Variants in NUP98 observed in about 807,000 individuals in gnomAD.
The protein encoded by NUP98 is nuclear pore complex protein Nup98-Nup96.
Under a neutral mutation model 191.9 loss-of-function variants are expected in NUP98, and 26 were observed. The observed-to-expected ratio is 0.14, with a 90% CI of 0.10 to 0.19. The LOEUF (loss-of-function observed/expected upper bound fraction) is 0.19. Among genes scored for constraint, NUP98 ranks in the 10% least tolerant of loss-of-function variants. The pLI is 1.00. For missense variants in NUP98, 1,941 were observed against 2,178.8 expected, an observed-to-expected ratio of 0.89 and a Z score of 2.17; for synonymous variants, 808 against 778.4, an observed-to-expected ratio of 1.04 and a Z score of -0.63.
chr11:3,720,984 G>GTGTGTGTGTGTGTGTA (rs1435134058), intron 16 of NUP98, 159 bp from the exon 17 acceptor site: 1 of 476,170 alleles, frequency 2.1e-6, no homozygotes, highest in Non-Finnish European at 3.7e-6. Flanking sequence ...GAGTGTGTGT[G>GTGTGTGTGTGTGTGTA]TGTGTGTGTG....
At position 3,692,980 on chromosome 11, in the gene NUP98, T is replaced by C. The variant is rs188156066; in HGVS notation, c.4311+252A>G. The stretch of plus-strand genomic sequence containing the variant: ...TGAGGTCAGGCTGTATAACAGGGAA[T>C]TCCCAAAGAAGTAAGACAGCATTAG... On this transcript the variant is annotated intron_variant, in intron 27 of 32. Transcript: ENST00000324932. 13 of 376,938 alleles carry C rather than the reference T, an allele frequency of 3.4e-5. No individual in the cohort carries two copies. The East Asian group carries it at 5.2e-4, about 15-fold the overall frequency. The allele number at this position is 376,938 out of a possible 1,614,324, so 23.3% of individuals were successfully genotyped here.
intron 10 of NUP98, 92 bp from the exon 11 acceptor site, chr11:3,753,500 A>T (rs1322071510): frequency 4.3e-6 from 4 of 938,914 alleles, no homozygotes; most frequent in Middle Eastern, 2.2e-4. Flanking sequence ...TCTGACTTTA[A>T]GTTGTGAACC....
chr11:3,699,063 G>A lies in NUP98; in HGVS notation c.4009+19C>T, dbSNP rs1291476878. On this transcript the variant is annotated intron_variant, in intron 25 of 32. Transcript: ENST00000324932. The stretch of plus-strand genomic sequence containing the variant: ...GGAAGGCGACAGAGGCGCAGAGAAG[G>A]ACCATATGCCTTCCCCACCTGACTG... The A allele has an allele frequency of 2.5e-6, 4 of 1,610,982 alleles. No individual in the cohort carries two copies. The South Asian group carries it at 3.3e-5, about 13-fold the overall frequency.
In NUP98 at chr11:3,702,802, G is replaced by T. The variant is rs779389096; in HGVS notation, c.3173C>A (p.Ser1058Tyr). Reference protein sequence around the residue: ...VQECRTPRAASLMNIPSTSSW... With the variant: ...VQECRTPRAAYLMNIPSTSSW... ...GGATGTGGATGGGATATTCATTAAAGATGCTGCTCTGGGAGTACGACATTC... is the reference window on the plus strand; with the variant it reads ...GGATGTGGATGGGATATTCATTAAATATGCTGCTCTGGGAGTACGACATTC... Residue 1058 changes from serine to tyrosine, a missense_variant, in exon 23 of 33, where the codon TCT becomes TAT. Physicochemically the swap from Ser to Tyr is moderately radical, Grantham distance 144. Transcript: ENST00000324932. The T allele has an allele frequency of 1.2e-5, 20 of 1,614,056 alleles. No homozygotes were observed. Among genetic ancestry groups the T allele is most frequent in the African/African-American group, 1.3e-5 (1 of 74,918 alleles).
intron 28 of NUP98, among the ~76,000 whole-genome samples, chr11:3,690,815 T>C (rs753658804): frequency 6.6e-6 from 1 of 152,058 alleles, no homozygotes; most frequent in Admixed American, 6.6e-5. Flanking sequence ...AACAAATGAA[T>C]AGATACATAA....
intron 8 of NUP98, among the ~76,000 whole-genome samples, chr11:3,767,345 T>G (rs189238054): frequency 6.6e-6 from 1 of 152,042 alleles, no homozygotes; most frequent in African/African-American, 2.4e-5. Flanking sequence ...TTATTTTTTT[T>G]GGGATGAAGT....
chr11:3,724,614 G>T (rs541701943), intron 15 of NUP98, among the ~76,000 whole-genome samples: 1 of 151,584 alleles, frequency 6.6e-6, no homozygotes, highest in Admixed American at 6.6e-5. Context: ...CTAACAAGGT[G>T]AAACGCCGTC....
intron 1 of NUP98, among the ~76,000 whole-genome samples, chr11:3,795,371 AGGAGG>A (rs2082492866): frequency 1.3e-5 from 2 of 152,214 alleles, no homozygotes; most frequent in South Asian, 4.1e-4. Context: ...GCTTGAGCCC[AGGAGG>A]TAGAGGCTAC....
chr11:3,796,753 A>G (rs989581487), intron 1 of NUP98, among the ~76,000 whole-genome samples: 1 of 152,212 alleles, frequency 6.6e-6, no homozygotes, highest in South Asian at 2.1e-4. Flanking sequence ...CGGTTTCCCC[A>G]TCTACAAAAC....
At chr11:3,780,557 A>G (rs549056545) in intron 2 of NUP98, among the ~76,000 whole-genome samples, 2,202 of 140,202 alleles carry the variant, frequency 0.016, 64 homozygotes, top group African/African-American at 0.06. Flanking sequence ...AAAAAAAAAA[A>G]AAAAAGAAAA....
At chr11:3,685,559 A>G (rs1271747931) in intron 29 of NUP98, among the ~76,000 whole-genome samples, 1 of 150,574 alleles carries the variant, frequency 6.6e-6, no homozygotes, top group Non-Finnish European at 1.5e-5. Context: ...CTGAAATTAA[A>G]TGACTAGTTT....
At chr11:3,698,371 T>C (rs979207009) in intron 25 of NUP98, among the ~76,000 whole-genome samples, 1 of 152,200 alleles carries the variant, frequency 6.6e-6, no homozygotes. Context: ...TTATTACAAA[T>C]GTAATATAAA....
At chr11:3,762,818 G>T in intron 9 of NUP98, 84 bp downstream of exon 9, 1 of 1,468,304 alleles carries the variant, frequency 6.8e-7, no homozygotes, top group Non-Finnish European at 9.3e-7. Context: ...AAAAATACCT[G>T]CAAAACAGTC....
chr11:3,774,575 ATTAGC>A (rs1431198783), intron 5 of NUP98, among the ~76,000 whole-genome samples: 1 of 151,934 alleles, frequency 6.6e-6, no homozygotes, highest in Non-Finnish European at 1.5e-5. Flanking sequence ...AAATACAAAA[ATTAGC>A]TTGGGTGGGT....
At chr11:3,710,123 T>C (rs1186662980) in intron 20 of NUP98, among the ~76,000 whole-genome samples, 5 of 152,072 alleles carry the variant, frequency 3.3e-5, no homozygotes, top group African/African-American at 1.2e-4. Flanking sequence ...GGAGAAGCAT[T>C]AAAATATAAA....
chr11:3,702,165 G>A (rs940475831), intron 23 of NUP98, among the ~76,000 whole-genome samples: 1 of 151,888 alleles, frequency 6.6e-6, no homozygotes, highest in Non-Finnish European at 1.5e-5. Flanking sequence ...CTCAGACTGA[G>A]AGGCAGAGGT....
At position 3,702,855 on chromosome 11, in the gene NUP98, A is replaced by G; in HGVS notation, c.3120T>C (p.Ala1040=). Residue 1040 remains alanine, a synonymous_variant, in exon 23 of 33, where the codon GCT becomes GCC. Coordinates refer to ENST00000324932, the MANE Select transcript of NUP98 (RefSeq NM_016320.5). ...GLLQSKFTSG[A]FLSPSVSVQE... ...GCACAGAGACACTTGGTGAAAGAAA[A>G]GCTCCACTTGTAAATTTTGATTGTA... The G allele has an allele frequency of 6.2e-7, 1 of 1,613,096 alleles. No homozygotes were observed. Among genetic ancestry groups the G allele is most frequent in the Non-Finnish European group, 8.5e-7 (1 of 1,179,328 alleles).
At chr11:3,703,843 A>T (rs973229336) in intron 22 of NUP98, among the ~76,000 whole-genome samples, 4 of 152,102 alleles carry the variant, frequency 2.6e-5, no homozygotes, top group South Asian at 2.1e-4. Flanking sequence ...TTAACATTTA[A>T]ATTTTTATCT....
Position 3,683,319 on chromosome 11 carries a change from T to C in NUP98, c.4799A>G (p.His1600Arg), listed in dbSNP as rs1303314863. The C allele has an allele frequency of 1.9e-6, 3 of 1,614,170 alleles. No individual in the cohort carries two copies. The highest frequency in any genetic ancestry group is 1.7e-6 in the Non-Finnish European group (2 of 1,180,022). ...QKLRVPAKWIHEAKAVRAHME... is the reference protein window; with the variant it reads ...QKLRVPAKWIREAKAVRAHME... ...GTGTGCTCGCACAGCTTTGGCCTCG[T>C]GGATCCATTTGGCAGGTACACGGAG... The change falls in exon 30 of 33, where the codon CAC (histidine) becomes CGC (arginine). Residue 1600 changes from histidine (H) to arginine (R), a missense_variant. Transcript: ENST00000324932.
Sources: allele counts gnomAD v4.1 joint callset (sites outside exome capture counted in the v4.1 genomes callset), GRCh38; gene constraint gnomAD v4.1.1; transcripts MANE v1.5; gene names NCBI Gene and HGNC (gene_info 2026-07-23, HGNC 2026-07-21).